EFEMP1: variants seen among roughly 807,000 people sequenced by gnomAD.
EFEMP1 encodes EGF-containing fibulin-like extracellular matrix protein 1.
EFEMP1 carries 18 observed loss-of-function variants against 65.7 expected under a neutral mutation model. That is an observed-to-expected ratio of 0.27 (90% CI 0.19 to 0.41). EFEMP1 has a LOEUF of 0.41. Among genes scored for constraint, EFEMP1 ranks in the 10% least tolerant of loss-of-function variants. The pLI, the probability that EFEMP1 is intolerant of heterozygous loss-of-function variation, is 1.00. For missense variants in EFEMP1, 469 were observed against 624.8 expected, an observed-to-expected ratio of 0.75 and a Z score of 2.66; for synonymous variants, 237 against 219.7, an observed-to-expected ratio of 1.08 and a Z score of -0.70.
Position 55,922,260 on chromosome 2 carries a change from G to A in EFEMP1, c.81+100C>T. ...AGTGTTGTTTAATTTATCACCCTCA[G>A]CAGAGTATAGCCCAAATACACTGGC... On this transcript the variant is annotated intron_variant, in intron 3 of 11. Transcript: ENST00000355426. The surrounding 1 kb of genome is among the most constrained non-coding windows in gnomAD (Gnocchi z 5.5). 9.3e-7 allele frequency: 1 copy of A among 1,075,018 alleles called. No homozygotes were observed. The highest frequency in any genetic ancestry group is 1.4e-6 in the Non-Finnish European group (1 of 695,476). The allele number at this position is 1,075,018 out of a possible 1,614,324, so 66.6% of individuals were successfully genotyped here.
In EFEMP1 at chr2:55,919,154, A is replaced by G. The variant is rs1448468227; in HGVS notation, c.82-887T>C. On this transcript the variant is annotated intron_variant, in intron 3 of 11. Transcript: ENST00000355426. The surrounding 1 kb of genome is among the most constrained non-coding windows in gnomAD (Gnocchi z 4.5). ...AATTCTAGGAAGAGAGGCTATTGTG[A>G]CAAAGGCATAAAATTTTTGAAAAGG... Among the ~76,000 whole-genome samples, 1 of 152,180 alleles carries G rather than the reference A, an allele frequency of 6.6e-6. No individual in the cohort carries two copies. The highest frequency in any genetic ancestry group is 2.4e-5 in the African/African-American group (1 of 41,448).
chr2:55,870,701 C>G lies in EFEMP1; in HGVS notation c.1320+19G>C, dbSNP rs1668772200. 6.2e-7 allele frequency: 1 copy of G among 1,612,812 alleles called. No individual in the cohort carries two copies. Among genetic ancestry groups the G allele is most frequent in the Non-Finnish European group, 8.5e-7 (1 of 1,179,272 alleles). ...CTCCCATCTTTCTCAATAGTTAAGG[C>G]TGCCTTCAGGATACTTACTCGTAGG... On this transcript the variant is annotated intron_variant, in intron 11 of 11. Coordinates refer to ENST00000355426, the MANE Select transcript of EFEMP1 (RefSeq NM_001039348.3). This position sits in a 1 kb window ranked among gnomAD's most constrained non-coding sequence, Gnocchi z 5.8.
chr2:55,922,298 A>G lies in EFEMP1; in HGVS notation c.81+62T>C. 6.7e-7 allele frequency: 1 copy of G among 1,502,542 alleles called. No individual in the cohort carries two copies. Among genetic ancestry groups the G allele is most frequent in the Admixed American group, 1.7e-5 (1 of 59,788 alleles). The allele number at this position is 1,502,542 out of a possible 1,614,324, so 93.1% of individuals were successfully genotyped here. On this transcript the variant is annotated intron_variant, in intron 3 of 11. Coordinates refer to ENST00000355426, the MANE Select transcript of EFEMP1 (RefSeq NM_001039348.3). This position sits in a 1 kb window ranked among gnomAD's most constrained non-coding sequence, Gnocchi z 5.5. ...CAAATACACTGGCAGGGGTGTGTAA[A>G]GTCTTTTTTTGTCACAGAATCCCGC...
At chr2:55,880,118 G>T (rs1669185505) in intron 6 of EFEMP1, among the ~76,000 whole-genome samples, 1 of 152,140 alleles carries the variant, frequency 6.6e-6, no homozygotes, top group Non-Finnish European at 1.5e-5. Context: ...AATAAAGCTG[G>T]GGTGTAATAT....
At chr2:55,874,760 C>T (rs905534020) in intron 9 of EFEMP1, among the ~76,000 whole-genome samples, 186 bp downstream of exon 9, 2 of 151,644 alleles carry the variant, frequency 1.3e-5, no homozygotes, top group East Asian at 1.9e-4. Flanking sequence ...CGAAAAATGT[C>T]GGCATTAGCA....
intron 5 of EFEMP1, among the ~76,000 whole-genome samples, chr2:55,904,451 G>C (rs975371630): frequency 6.6e-5 from 10 of 152,210 alleles, no homozygotes; most frequent in African/African-American, 2.4e-4. Flanking sequence ...TTATTTCTGA[G>C]TGTGTCTGTG....
chr2:55,902,981 G>A (rs1196086996), intron 5 of EFEMP1, among the ~76,000 whole-genome samples: 1 of 152,110 alleles, frequency 6.6e-6, no homozygotes, highest in African/African-American at 2.4e-5. Flanking sequence ...CCTGTTCTTT[G>A]TAAATAATTT....
chr2:55,866,961 T>A lies in EFEMP1; in HGVS notation c.*112A>T. ...TGTAATTGTTTGAATTATGGGTGAGTGTACAGTATAGAGATGTAGATGCAC... is the reference window on the plus strand; with the variant it reads ...TGTAATTGTTTGAATTATGGGTGAGAGTACAGTATAGAGATGTAGATGCAC... On this transcript the variant is annotated 3_prime_UTR_variant, in exon 12 of 12. Transcript: ENST00000355426. 7.5e-7 allele frequency: 1 copy of A among 1,333,816 alleles called. No individual in the cohort carries two copies. The highest frequency in any genetic ancestry group is 1.1e-6 in the Non-Finnish European group (1 of 939,810). 82.6% of individuals were successfully genotyped at this position (1,333,816 alleles called of 1,614,324 possible). A position where few individuals can be genotyped will look rare whatever the true frequency, so the allele number is the denominator to read the frequency against.
chr2:55,874,736 T>TGA (rs1274646130), intron 9 of EFEMP1, among the ~76,000 whole-genome samples: 7 of 152,032 alleles, frequency 4.6e-5, no homozygotes, highest in African/African-American at 1.4e-4. Context: ...TTAAAATTAT[T>TGA]TATCTTTTAA....
At position 55,907,659 on chromosome 2, in the gene EFEMP1, C is replaced by T. The variant is rs146161341; in HGVS notation, c.517+10006G>A. Among the ~76,000 whole-genome samples the T allele has an allele frequency of 2.6e-5, 4 of 152,252 alleles. No individual in the cohort carries two copies. In the East Asian group the frequency reaches 5.8e-4, roughly 22 times the overall value. ...AAAATATTTCACAAGGGAAATCTAACATCATCATTGAATAAAAATTCTTCC... is the reference window on the plus strand; with the variant it reads ...AAAATATTTCACAAGGGAAATCTAATATCATCATTGAATAAAAATTCTTCC... On this transcript the variant is annotated intron_variant, in intron 5 of 11. Coordinates refer to ENST00000355426, the MANE Select transcript of EFEMP1 (RefSeq NM_001039348.3).
At chr2:55,891,426 C>G (rs1320735567) in intron 5 of EFEMP1, among the ~76,000 whole-genome samples, 3 of 152,084 alleles carry the variant, frequency 2.0e-5, no homozygotes, top group Non-Finnish European at 4.4e-5. Context: ...GTCAACTTTT[C>G]TCTAAGCTTG....
chr2:55,872,652 T>C (rs1668857880), intron 9 of EFEMP1, among the ~76,000 whole-genome samples: 1 of 152,088 alleles, frequency 6.6e-6, no homozygotes, highest in African/African-American at 2.4e-5. Context: ...AAAAGTATTT[T>C]AGCTTCCAAA....
Position 55,877,621 on chromosome 2 carries a change from A to G in EFEMP1, c.760+125T>C. The stretch of plus-strand genomic sequence containing the variant: ...GATTGGTTATTATCTTTTAAGCTTT[A>G]TGATTGCTGAAGGGAAGTCGATGGA... On this transcript the variant is annotated intron_variant, in intron 7 of 11. Coordinates refer to ENST00000355426, the MANE Select transcript of EFEMP1 (RefSeq NM_001039348.3). The surrounding 1 kb of genome is among the most constrained non-coding windows in gnomAD (Gnocchi z 4.5). 4 of 1,431,332 alleles carry G rather than the reference A, an allele frequency of 2.8e-6. No individual in the cohort carries two copies. Among genetic ancestry groups the G allele is most frequent in the Non-Finnish European group, 2.9e-6 (3 of 1,029,972 alleles). The allele number at this position is 1,431,332 out of a possible 1,614,324, so 88.7% of individuals were successfully genotyped here.
chr2:55,905,631 T>C (rs545388889), intron 5 of EFEMP1, among the ~76,000 whole-genome samples: 1 of 152,244 alleles, frequency 6.6e-6, no homozygotes, highest in South Asian at 2.1e-4. Context: ...GTATTTTTAG[T>C]AGAGACAGGG....
At chr2:55,878,462 C>T (rs1227847831) in intron 6 of EFEMP1, among the ~76,000 whole-genome samples, 1 of 152,054 alleles carries the variant, frequency 6.6e-6, no homozygotes, top group Non-Finnish European at 1.5e-5. Flanking sequence ...CAGCCTGTGT[C>T]CTTCTCATAT....
At position 55,885,191 on chromosome 2, in the gene EFEMP1, C is replaced by T. The variant is rs947825136; in HGVS notation, c.518-3457G>A. On this transcript the variant is annotated intron_variant, in intron 5 of 11. Transcript: ENST00000355426. This position sits in a 1 kb window ranked among gnomAD's most constrained non-coding sequence, Gnocchi z 4.3. ...GTTCTCCACTGCATTTTGAAGAAGA[C>T]GAGATACATGGGTTGCCAGGAAAAG... Among the ~76,000 whole-genome samples the T allele has an allele frequency of 2.6e-5, 4 of 152,126 alleles. No homozygotes were observed. The highest frequency in any genetic ancestry group is 2.9e-5 in the Non-Finnish European group (2 of 68,026).
At chr2:55,901,584 G>C (rs772319769) in intron 5 of EFEMP1, among the ~76,000 whole-genome samples, 10 of 152,078 alleles carry the variant, frequency 6.6e-5, no homozygotes, top group Non-Finnish European at 1.2e-4. Context: ...TGCTGGGGAG[G>C]GGGTATATTT....
At chr2:55,910,574 T>C (rs1234880017) in intron 5 of EFEMP1, among the ~76,000 whole-genome samples, 1 of 152,116 alleles carries the variant, frequency 6.6e-6, no homozygotes, top group Non-Finnish European at 1.5e-5. Flanking sequence ...GCTGGATAAA[T>C]AAATAATGAG....
intron 5 of EFEMP1, among the ~76,000 whole-genome samples, chr2:55,896,643 C>G (rs1669839771): frequency 6.6e-6 from 1 of 152,046 alleles, no homozygotes; most frequent in Non-Finnish European, 1.5e-5. Flanking sequence ...AGAATAAAAC[C>G]AGTTGTAATT....
Sources: gnomAD v4.1 joint callset for allele counts (sites outside exome capture counted in the v4.1 genomes callset) on GRCh38, gnomAD v4.1.1 for gene constraint, Gnocchi (gnomAD v3.1) non-coding constraint, MANE v1.5 for transcripts, NCBI Gene and HGNC (gene_info 2026-07-23, HGNC 2026-07-21) for gene names.